The following ADGRE2 variants were observed in gnomAD, a reference collection of about 807,000 sequenced individuals.
ADGRE2 encodes adhesion G protein-coupled receptor E2.
Under a neutral mutation model 100.8 loss-of-function variants are expected in ADGRE2, and 83 were observed. That is an observed-to-expected ratio of 0.82 (90% CI 0.69 to 0.99). The LOEUF is 0.99. Ranked by LOEUF, ADGRE2 falls within the 50% of genes least tolerant of loss-of-function variation. The pLI is 0.00. For synonymous variants in ADGRE2, 355 were observed against 413.0 expected (o/e 0.86, Z 1.70); for missense variants, 814 against 1,035.7 (o/e 0.79, Z 2.94).
In ADGRE2 at chr19:14,746,240, C is replaced by A; in HGVS notation, c.2175G>T (p.Arg725=). 1 of 1,594,618 alleles carries A rather than the reference C, an allele frequency of 6.3e-7. No homozygotes were observed. The highest frequency in any genetic ancestry group is 1.1e-5 in the South Asian group (1 of 90,566). The change falls in exon 18 of 21, where the codon CGG becomes CGT. Residue 725 remains arginine (R), a synonymous_variant. Transcript: ENST00000315576. ...SSLNSEVSTL[R]NTRMLAFKAT... ...CCCCTTCTCCATCTTACCTTGTGTTCCGGAGGGTGGACACTTCACTATTGA... is the reference window on the plus strand; with the variant it reads ...CCCCTTCTCCATCTTACCTTGTGTTACGGAGGGTGGACACTTCACTATTGA...
At position 14,766,957 on chromosome 19, in the gene ADGRE2, GCGTCTTC is replaced by G; in HGVS notation, c.487+14_487+20del. 1 of 1,540,070 alleles carries G rather than the reference GCGTCTTC, an allele frequency of 6.5e-7. No individual in the cohort carries two copies. The highest frequency in any genetic ancestry group is 1.4e-5 in the African/African-American group (1 of 69,100). On this transcript the variant is annotated intron_variant, in intron 6 of 20. Coordinates refer to ENST00000315576, the MANE Select transcript of ADGRE2 (RefSeq NM_013447.4). ...TCCCCAGCTCCCGTCCAGCCTCACA[GCGTCTTC>G]CTGGGGCCTCTACCTGTGCAGAGCT...
chr19:14,777,317 T>C (rs2044478903), intron 1 of ADGRE2, among the ~76,000 whole-genome samples: 1 of 152,178 alleles, frequency 6.6e-6, no homozygotes, highest in South Asian at 2.1e-4. Context: ...GGCAGTATCT[T>C]CCCCTGCTGT....
At chr19:14,773,080 C>CAAAAAAAAAAAAAAAAAAAA (rs35688921) in intron 4 of ADGRE2, among the ~76,000 whole-genome samples, 4 of 45,844 alleles carry the variant, frequency 8.7e-5, no homozygotes, top group African/African-American at 2.1e-4. Flanking sequence ...GACTCCATCT[C>CAAAAAAAAAAAAAAAAAAAA]AAAAAAAAAA....
intron 11 of ADGRE2, among the ~76,000 whole-genome samples, chr19:14,761,455 C>T (rs972476433): frequency 6.6e-6 from 1 of 152,046 alleles, no homozygotes; most frequent in African/African-American, 2.4e-5. Flanking sequence ...ACCACGACTA[C>T]CTTGTGATAT....
chr19:14,763,342 C>CAAAA (rs1443511527), intron 11 of ADGRE2, among the ~76,000 whole-genome samples: 2 of 150,502 alleles, frequency 1.3e-5, no homozygotes, highest in Non-Finnish European at 3.0e-5. Context: ...GACTCTGTCT[C>CAAAA]AAAAAAACAA....
chr19:14,728,329 C>T (rs558736044), downstream of ADGRE2, among the ~76,000 whole-genome samples: 4 of 152,286 alleles, frequency 2.6e-5, no homozygotes, highest in East Asian at 1.9e-4. Context: ...ACAGAAACCT[C>T]GCTGCTTAGT....
chr19:14,724,635 G>A, the ADGRE2 span, among the ~76,000 whole-genome samples: 1 of 152,104 alleles, frequency 6.6e-6, no homozygotes, highest in Non-Finnish European at 1.5e-5. Flanking sequence ...GTGTGGTGGC[G>A]GGAGCCTGTA....
At chr19:14,725,548 C>T in the ADGRE2 span, among the ~76,000 whole-genome samples, 1 of 152,190 alleles carries the variant, frequency 6.6e-6, no homozygotes, top group Non-Finnish European at 1.5e-5. Flanking sequence ...AAATCAAAGA[C>T]ATGTTATTTA....
chr19:14,772,521 T>A lies in ADGRE2; in HGVS notation c.200-24A>T. 3 of 1,612,056 alleles carry A rather than the reference T, an allele frequency of 1.9e-6. No individual in the cohort carries two copies. In the Admixed American group the frequency reaches 5.0e-5, roughly 27 times the overall value. On this transcript the variant is annotated intron_variant, in intron 4 of 20. Transcript: ENST00000315576. ...GTCTGGAACACAACAGGACAGGAGG[T>A]CATCTCCCAAAGATGTGAGTTCCGT... is the stretch of plus-strand genomic sequence containing the variant.
chr19:14,733,671 ACT>A lies in ADGRE2; in HGVS notation c.*2563_*2564del, dbSNP rs2042700889. The stretch of plus-strand genomic sequence containing the variant: ...TAAACACTCTTAGTCTGTAGAAAAG[ACT>A]CTAACCTAATTCAGCCAGCAGCCCC... On this transcript the variant is annotated 3_prime_UTR_variant, in exon 21 of 21. Transcript: ENST00000315576. The A allele has an allele frequency of 6.6e-6, 1 of 152,102 alleles. No homozygotes were observed. The highest frequency in any genetic ancestry group is 1.5e-5 in the Non-Finnish European group (1 of 68,012). 9.4% of individuals were successfully genotyped at this position (152,102 alleles called of 1,614,324 possible). A position where few individuals can be genotyped will look rare whatever the true frequency, so the allele number is the denominator to read the frequency against.
chr19:14,748,460 G>C (rs2107230), intron 16 of ADGRE2, among the ~76,000 whole-genome samples: 121,272 of 152,046 alleles, frequency 0.8, 49,251 homozygotes, highest in African/African-American at 0.95. Context: ...AGGCACCCAC[G>C]ACCACGCCCA....
chr19:14,773,822 G>C (rs567665992), intron 4 of ADGRE2, 116 bp downstream of exon 4: 3 of 974,592 alleles, frequency 3.1e-6, no homozygotes, highest in East Asian at 2.4e-5. Flanking sequence ...CTCTGGCCAT[G>C]ATGATAGTCT....
At chr19:14,758,162 GATAAA>G (rs1459930588) in intron 11 of ADGRE2, among the ~76,000 whole-genome samples, 2 of 152,068 alleles carry the variant, frequency 1.3e-5, no homozygotes, top group Non-Finnish European at 2.9e-5. Flanking sequence ...AGAAAAATTA[GATAAA>G]ATAAATGTCT....
chr19:14,756,108 T>C (rs1177253972), intron 12 of ADGRE2, 130 bp downstream of exon 12: 5 of 813,150 alleles, frequency 6.1e-6, no homozygotes, highest in Non-Finnish European at 1.0e-5. Flanking sequence ...TCAGCTGGAC[T>C]CTCCTCTTAC....
chr19:14,770,074 T>G (rs548322654), intron 5 of ADGRE2, among the ~76,000 whole-genome samples: 1 of 152,154 alleles, frequency 6.6e-6, no homozygotes, highest in South Asian at 2.1e-4. Flanking sequence ...GGTGATACAG[T>G]TTGGATATTT....
intron 18 of ADGRE2, among the ~76,000 whole-genome samples, chr19:14,745,136 GAC>G (rs1429404647): frequency 6.6e-6 from 1 of 151,618 alleles, no homozygotes. Flanking sequence ...TCGAACTCCT[GAC>G]CTTGTGATCT....
downstream of ADGRE2, among the ~76,000 whole-genome samples, chr19:14,727,721 T>C (rs138128895): frequency 6.6e-6 from 1 of 151,774 alleles, no homozygotes; most frequent in East Asian, 1.9e-4. Flanking sequence ...TAACCAAATA[T>C]CTGAGGCAGT....
At chr19:14,766,661 G>T (rs1192456198) in intron 6 of ADGRE2, among the ~76,000 whole-genome samples, 2 of 152,200 alleles carry the variant, frequency 1.3e-5, no homozygotes, top group Non-Finnish European at 2.9e-5. Context: ...TCTCTCTCCT[G>T]CTCCCTCCCT....
At position 14,746,879 on chromosome 19, in the gene ADGRE2, C is replaced by T. The variant is rs1223959999; in HGVS notation, c.2091+17G>A. The T allele has an allele frequency of 3.1e-6, 5 of 1,612,152 alleles. No individual in the cohort carries two copies. The highest frequency in any genetic ancestry group is 4.2e-6 in the Non-Finnish European group (5 of 1,178,706). On this transcript the variant is annotated intron_variant, in intron 17 of 20. Transcript: ENST00000315576. ...CCCTCAGCGGGGCAGCGAGGATGCT[C>T]AGATGATGTCACTCACAGAGAAGAT...
Sources: gnomAD v4.1 joint callset for allele counts (sites outside exome capture counted in the v4.1 genomes callset) on GRCh38, gnomAD v4.1.1 for gene constraint, MANE v1.5 for transcripts, NCBI Gene and HGNC (gene_info 2026-07-23, HGNC 2026-07-21) for gene names.